The following CYP3A5 variants were observed in gnomAD, a reference collection of about 807,000 sequenced individuals.
The protein encoded by CYP3A5 is cytochrome P450 3A5.
In CYP3A5, 51 loss-of-function variants were observed where a neutral mutation model predicts 55.9. The ratio of observed to expected loss-of-function variants is 0.91; its 90% CI spans 0.73 to 1.15. CYP3A5 has a LOEUF of 1.15. Ranked by LOEUF, CYP3A5 falls within the 50% of genes most tolerant of loss-of-function variation. The pLI is 0.00. For missense variants in CYP3A5, 533 were observed against 596.6 expected, an observed-to-expected ratio of 0.89 and a Z score of 1.11; for synonymous variants, 196 against 213.9, an observed-to-expected ratio of 0.92 and a Z score of 0.73.
Position 99,676,633 on chromosome 7 carries a change from T to A in CYP3A5, c.72-425A>T, listed in dbSNP as rs1812312741. The A allele has an allele frequency of 2.5e-5, 26 of 1,057,268 alleles. No homozygotes were observed. In the South Asian group the frequency reaches 3.2e-4, roughly 13 times the overall value. 65.5% of individuals were successfully genotyped at this position (1,057,268 alleles called of 1,614,324 possible). On this transcript the variant is annotated intron_variant, in intron 1 of 12. Coordinates refer to ENST00000222982, the MANE Select transcript of CYP3A5 (RefSeq NM_000777.5). ...TTTGCACTGATGATGAGATTTTGCA[T>A]CACTGTATGCACTCAATCACAGAGG... is the stretch of plus-strand genomic sequence containing the variant.
chr7:99,649,207 C>T (rs1421695243), intron 12 of CYP3A5, among the ~76,000 whole-genome samples: 2 of 152,164 alleles, frequency 1.3e-5, no homozygotes, highest in African/African-American at 4.8e-5. Flanking sequence ...CAGGGCTGAG[C>T]CCCCTGCCTG....
intron 1 of CYP3A5, chr7:99,676,519 T>C: frequency 7.3e-7 from 1 of 1,374,080 alleles, no homozygotes; most frequent in Non-Finnish European, 9.7e-7. Flanking sequence ...TCCAGGACAC[T>C]TCATTTCCTT....
chr7:99,672,786 C>G, intron 3 of CYP3A5, 107 bp from the exon 4 acceptor site: 1 of 1,561,216 alleles, frequency 6.4e-7, no homozygotes, highest in East Asian at 2.3e-5. Flanking sequence ...ATCCATACCC[C>G]TAGTTGTACG....
In CYP3A5 at chr7:99,676,132, C is replaced by T. The variant is rs80026734; in HGVS notation, c.148G>A (p.Val50Ile). Residue 50 changes from valine (V) to isoleucine (I), a missense_variant, in exon 2 of 13, where the codon GTT becomes ATT. By Grantham distance (29) the Val-to-Ile change is conservative (BLOSUM62 3). Coordinates refer to ENST00000222982, the MANE Select transcript of CYP3A5 (RefSeq NM_000777.5). ...CAACTCACCTGACGATAGGACAAAA[C>T]ATTTCCCAACAAAGGCAGAGGTGTG... Reference protein sequence around the residue: ...GPTPLPLLGNVLSYRQGLWKF... With the variant: ...GPTPLPLLGNILSYRQGLWKF... The T allele has an allele frequency of 6.2e-7, 1 of 1,613,722 alleles. No individual in the cohort carries two copies. The highest frequency in any genetic ancestry group is 2.2e-5 in the East Asian group (1 of 44,862).
chr7:99,663,168 A>G, intron 8 of CYP3A5: 1 of 1,147,726 alleles, frequency 8.7e-7, no homozygotes, highest in Non-Finnish European at 1.1e-6. Context: ...CTTTCTGGCC[A>G]AAGAGTTGCC....
At chr7:99,675,762 C>A (rs918580356) in intron 2 of CYP3A5, among the ~76,000 whole-genome samples, 24 of 141,926 alleles carry the variant, frequency 1.7e-4, no homozygotes, top group Non-Finnish European at 1.4e-4. Flanking sequence ...GGTGCGATCA[C>A]AGCTCAATAC....
At position 99,652,623 on chromosome 7, in the gene CYP3A5, C is replaced by T; in HGVS notation, c.1183G>A (p.Val395Met). ...TGGTGAAGAGCATAAGTTGGAATCA[C>T]CACCATTGACCCTTTGGGAATGAAT... ...GVFIPKGSMV[V>M]IPTYALHHDP... is the part of the protein sequence containing the mutation. Residue 395 changes from valine (V) to methionine (M), a missense_variant, in exon 11 of 13, where the codon GTG becomes ATG. Val to Met is a conservative substitution (Grantham distance 21). Coordinates refer to ENST00000222982, the MANE Select transcript of CYP3A5 (RefSeq NM_000777.5). The T allele has an allele frequency of 6.2e-7, 1 of 1,614,088 alleles. No homozygotes were observed. The highest frequency in any genetic ancestry group is 1.1e-5 in the South Asian group (1 of 91,080).
In CYP3A5 at chr7:99,665,301, AG is replaced by A; in HGVS notation, c.534del (p.Tyr179ThrfsTer5). 6.2e-7 allele frequency: 1 copy of A among 1,614,176 alleles called. No homozygotes were observed. The highest frequency in any genetic ancestry group is 2.2e-5 in the East Asian group (1 of 44,886). On this transcript the variant is annotated frameshift_variant, in exon 7 of 13. Coordinates refer to ENST00000222982, the MANE Select transcript of CYP3A5 (RefSeq NM_000777.5). LOFTEE classifies it high-confidence loss of function. ...KPVTLKDIFG[A>X]YSMDVITGTS... ...GTGCCAGTAATCACATCCATGCTGTAGGCCCCAAAGATGCTGAGTGGAGAAA... is the reference window on the plus strand; with the variant it reads ...GTGCCAGTAATCACATCCATGCTGTAGCCCCAAAGATGCTGAGTGGAGAAA...
At chr7:99,650,838 C>T (rs1443691296) in intron 11 of CYP3A5, among the ~76,000 whole-genome samples, 1 of 152,132 alleles carries the variant, frequency 6.6e-6, no homozygotes, top group African/African-American at 2.4e-5. Flanking sequence ...GTTTAAGTCA[C>T]ATAAGTTACA....
At chr7:99,675,156 C>G (rs1178631060) in intron 2 of CYP3A5, among the ~76,000 whole-genome samples, 1 of 152,202 alleles carries the variant, frequency 6.6e-6, no homozygotes, top group East Asian at 1.9e-4. Flanking sequence ...GACTTCCTTT[C>G]CAGTTTTCTA....
At chr7:99,663,813 A>G (rs1810683559) in intron 8 of CYP3A5, 155 bp downstream of exon 8, 4 of 1,339,986 alleles carry the variant, frequency 3.0e-6, no homozygotes, top group Non-Finnish European at 3.8e-6. Flanking sequence ...TCCTTCCCCA[A>G]TCTCCTTCTT....
intron 1 of CYP3A5, among the ~76,000 whole-genome samples, chr7:99,677,669 G>T (rs1479516547): frequency 6.6e-6 from 1 of 152,196 alleles, no homozygotes; most frequent in South Asian, 2.1e-4. Flanking sequence ...GCATGAGCAG[G>T]CCCAGTCATA....
At chr7:99,654,613 G>C (rs1449192867) in intron 10 of CYP3A5, among the ~76,000 whole-genome samples, 1 of 152,092 alleles carries the variant, frequency 6.6e-6, no homozygotes, top group East Asian at 1.9e-4. Flanking sequence ...GGGATGGCTG[G>C]GTCAAATGGT....
At chr7:99,669,027 C>T (rs957414760) in intron 4 of CYP3A5, among the ~76,000 whole-genome samples, 2 of 152,084 alleles carry the variant, frequency 1.3e-5, no homozygotes, top group East Asian at 1.9e-4. Flanking sequence ...GTTCTATTTT[C>T]CTATCTGTTA....
In CYP3A5 at chr7:99,652,518, G is replaced by A. The variant is rs760576081; in HGVS notation, c.1253+35C>T. 4 of 1,485,604 alleles carry A rather than the reference G, an allele frequency of 2.7e-6. No homozygotes were observed. The South Asian group carries it at 5.0e-5, about 19-fold the overall frequency. 92.0% of individuals were successfully genotyped at this position (1,485,604 alleles called of 1,614,324 possible). Reference sequence around the variant, plus strand: ...GCAGAATATGCTTGAACCAGCCTGGGTCAGGGTGAGCTCCATTTCCCTGGA... The same window carrying A: ...GCAGAATATGCTTGAACCAGCCTGGATCAGGGTGAGCTCCATTTCCCTGGA... On this transcript the variant is annotated intron_variant, in intron 11 of 12. Coordinates refer to ENST00000222982, the MANE Select transcript of CYP3A5 (RefSeq NM_000777.5).
intron 4 of CYP3A5, 141 bp downstream of exon 4, chr7:99,672,439 A>G (rs1355181898): frequency 4.4e-6 from 3 of 682,048 alleles, no homozygotes; most frequent in Non-Finnish European, 7.8e-6. Flanking sequence ...AGATGTTACC[A>G]CTGGGCGGGA....
At chr7:99,679,045 C>T (rs913610516) in intron 1 of CYP3A5, among the ~76,000 whole-genome samples, 13 of 152,138 alleles carry the variant, frequency 8.5e-5, no homozygotes, top group African/African-American at 3.1e-4. Context: ...TAGTAGATTC[C>T]CATTAGGTGA....
chr7:99,677,928 A>G (rs748944701), intron 1 of CYP3A5, among the ~76,000 whole-genome samples: 2 of 152,232 alleles, frequency 1.3e-5, no homozygotes, highest in Non-Finnish European at 2.9e-5. Context: ...CTAGATTCAC[A>G]TGGTACCATG....
intron 3 of CYP3A5, 189 bp from the exon 4 acceptor site, chr7:99,672,868 A>G: frequency 7.1e-7 from 1 of 1,400,676 alleles, no homozygotes; most frequent in Middle Eastern, 1.9e-4. Flanking sequence ...GGAGCCACCC[A>G]AGGCTTCATA....
Sources: allele counts gnomAD v4.1 joint callset (sites outside exome capture counted in the v4.1 genomes callset), GRCh38; gene constraint gnomAD v4.1.1; transcripts MANE v1.5; gene names NCBI Gene and HGNC (gene_info 2026-07-23, HGNC 2026-07-21).